Variants in HDAC10 observed in about 807,000 individuals in gnomAD.
HDAC10 encodes polyamine deacetylase HDAC10.
HDAC10 carries 90 observed loss-of-function variants against 82.3 expected under a neutral mutation model. The observed-to-expected ratio is 1.09, with a 90% CI of 0.92 to 1.30. HDAC10 has a LOEUF of 1.30. Ranked by LOEUF, HDAC10 falls within the 50% of genes most tolerant of loss-of-function variation. The pLI, the probability that HDAC10 is intolerant of heterozygous loss-of-function variation, is 0.00. For missense variants in HDAC10, 934 were observed against 876.3 expected (o/e 1.07, Z -0.83); for synonymous variants, 456 against 391.7 (o/e 1.16, Z -1.94).
rs767356391 is a variant in HDAC10, at chr22:50,249,672, C to T, written c.526G>A (p.Gly176Ser). ...ILVVDWDVHH[G>S]QGIQYLFEDD... The stretch of plus-strand genomic sequence containing the variant: ...TCAAAGAGATACTGGATCCCCTGGC[C>T]ATGGTGCACATCCCAGTCCACGACG... Residue 176 changes from glycine to serine, a missense_variant, in exon 6 of 20, where the codon GGC becomes AGC. Physicochemically the swap from Gly to Ser is moderately conservative, Grantham distance 56. Transcript: ENST00000216271. The surrounding 1 kb of genome is among the most constrained non-coding windows in gnomAD (Gnocchi z 4.4). 1.2e-6 allele frequency: 2 copies of T among 1,612,898 alleles called. No individual in the cohort carries two copies. The highest frequency in any genetic ancestry group is 8.5e-7 in the Non-Finnish European group (1 of 1,179,984).
At chr22:50,245,552 G>A (rs2064918876) in intron 19 of HDAC10, 22 bp from the exon 20 acceptor site, 2 of 1,202,232 alleles carry the variant, frequency 1.7e-6, no homozygotes, top group East Asian at 2.3e-5. Flanking sequence ...GCCGAGAAGA[G>A]GCGCGCAGTT....
Position 50,246,373 on chromosome 22 carries a change from C to A in HDAC10, c.1575G>T (p.Arg525Ser), listed in dbSNP as rs1274391018. The A allele has an allele frequency of 1.2e-6, 2 of 1,611,810 alleles. No individual in the cohort carries two copies. Among genetic ancestry groups the A allele is most frequent in the African/African-American group, 1.3e-5 (1 of 75,058 alleles). Residue 525 changes from arginine to serine, a missense_variant, in exon 17 of 20, where the codon AGG becomes AGT. Transcript: ENST00000216271. Reference sequence around the variant, plus strand: ...TGCCCCTGATGTTCAGCCACAGACTCCTCCTTCCAGGACACAGGTGCATAA... The same window carrying A: ...TGCCCCTGATGTTCAGCCACAGACTACTCCTTCCAGGACACAGGTGCATAA... Reference protein sequence around the residue: ...DRPPDLAHDGRSLWLNIRGKE... With the variant: ...DRPPDLAHDGSSLWLNIRGKE...
Position 50,246,727 on chromosome 22 carries a change from C to T in HDAC10, c.1523G>A (p.Cys508Tyr). The change falls in exon 16 of 20, where the codon TGC becomes TAC. Residue 508 changes from cysteine to tyrosine, a missense_variant. Cys to Tyr is a radical substitution (Grantham distance 194). Coordinates refer to ENST00000216271, the MANE Select transcript of HDAC10 (RefSeq NM_032019.6). ...GLSHGAQRLL[C>Y]VALGQLDRPP... is the part of the protein sequence containing the mutation. ...CCGGTCCAGCTGTCCCAGGGCCACGCACAGCAGCCTGGAAGAAGAGCTGGC... is the reference window on the plus strand; with the variant it reads ...CCGGTCCAGCTGTCCCAGGGCCACGTACAGCAGCCTGGAAGAAGAGCTGGC... 1 of 1,612,446 alleles carries T rather than the reference C, an allele frequency of 6.2e-7. No individual in the cohort carries two copies. The highest frequency in any genetic ancestry group is 8.5e-7 in the Non-Finnish European group (1 of 1,179,972).
chr22:50,246,766 T>G, intron 15 of HDAC10, 31 bp from the exon 16 acceptor site: 1 of 1,612,000 alleles, frequency 6.2e-7, no homozygotes, highest in Non-Finnish European at 8.5e-7. Context: ...AGGACAGGTG[T>G]TCATGTTGTC....
intron 2 of HDAC10, 78 bp downstream of exon 2, chr22:50,250,693 G>A (rs79802996): frequency 9.1e-6 from 13 of 1,436,112 alleles, no homozygotes; most frequent in African/African-American, 1.4e-5. Context: ...TGGCAGGCTC[G>A]GGGTAGGCCC....
At position 50,245,515 on chromosome 22, in the gene HDAC10, C is replaced by T. The variant is rs1162031377; in HGVS notation, c.2002G>A (p.Val668Met). The T allele has an allele frequency of 3.4e-6, 3 of 895,034 alleles. No individual in the cohort carries two copies. The highest frequency in any genetic ancestry group is 5.7e-6 in the Non-Finnish European group (3 of 525,706). 55.4% of individuals were successfully genotyped at this position (895,034 alleles called of 1,614,324 possible). Residue 668 changes from valine to methionine, a missense_variant, in exon 20 of 20, where the codon GTG becomes ATG. Physicochemically the swap from Val to Met is conservative, Grantham distance 21. Transcript: ENST00000216271. ...TCCCACCTTGGCCGATTTCAAGCCACCAGGTGAGGATGGCACTACAGGAGG... is the reference window on the plus strand; with the variant it reads ...TCCCACCTTGGCCGATTTCAAGCCATCAGGTGAGGATGGCACTACAGGAGG... ...WKMLQCHPHLVA is the reference protein window; with the variant it reads ...WKMLQCHPHLMA
intron 16 of HDAC10, 120 bp from the exon 17 acceptor site, chr22:50,246,496 C>A: frequency 9.5e-7 from 1 of 1,056,856 alleles, no homozygotes; most frequent in Admixed American, 1.8e-5. Context: ...ACTGCTGAGC[C>A]TCTGTGCTGG....
Position 50,248,690 on chromosome 22 carries a change from G to T in HDAC10, c.878C>A (p.Ala293Asp). ...CAGCACGGCACAGACCCGGCCGCCG[G>T]CCAGCACCTGCAGCAGCTGTGTGAG... ...AHLTQLLQVLAGGRVCAVLEG... is the reference protein window; with the variant it reads ...AHLTQLLQVLDGGRVCAVLEG... Residue 293 changes from alanine to aspartate, a missense_variant, in exon 10 of 20, where the codon GCC (alanine) becomes GAC (aspartate). Ala to Asp is a moderately radical substitution (Grantham distance 126, BLOSUM62 -2). Transcript: ENST00000216271. The surrounding 1 kb of genome is among the most constrained non-coding windows in gnomAD (Gnocchi z 5.4). 1 of 1,537,768 alleles carries T rather than the reference G, an allele frequency of 6.5e-7. No homozygotes were observed. The highest frequency in any genetic ancestry group is 2.4e-5 in the East Asian group (1 of 42,348).
chr22:50,246,742 G>A lies in HDAC10; in HGVS notation c.1515-7C>T. On this transcript the variant is annotated splice_polypyrimidine_tract_variant and splice_region_variant and intron_variant, in intron 15 of 19. Coordinates refer to ENST00000216271, the MANE Select transcript of HDAC10 (RefSeq NM_032019.6). ...CAGGGCCACGCACAGCAGCCTGGAA[G>A]AAGAGCTGGCCTCAGGACAGGTGTT... 6.2e-7 allele frequency: 1 copy of A among 1,612,874 alleles called. No individual in the cohort carries two copies. Among genetic ancestry groups the A allele is most frequent in the Non-Finnish European group, 8.5e-7 (1 of 1,179,974 alleles).
chr22:50,250,256 T>G (rs1272330472), intron 3 of HDAC10, 96 bp from the exon 4 acceptor site: 15 of 1,323,174 alleles, frequency 1.1e-5, no homozygotes, highest in African/African-American at 1.4e-5. Context: ...CACCAGCTGC[T>G]GAGCAGAACA....
In HDAC10 at chr22:50,247,508, C is replaced by T; in HGVS notation, c.1422+184G>A. 1.2e-5 allele frequency: 6 copies of T among 518,972 alleles called. No homozygotes were observed. In the South Asian group the frequency reaches 2.0e-4, roughly 17 times the overall value. The allele number at this position is 518,972 out of a possible 1,614,324, so 32.1% of individuals were successfully genotyped here. A position where few individuals can be genotyped will look rare whatever the true frequency, so the allele number is the denominator to read the frequency against. On this transcript the variant is annotated intron_variant, in intron 14 of 19. Coordinates refer to ENST00000216271, the MANE Select transcript of HDAC10 (RefSeq NM_032019.6). The stretch of plus-strand genomic sequence containing the variant: ...AACTGAAGAAGCTGAGGTCAGAGGT[C>T]AGACACACTAGTGATCCCCACCCCT...
Position 50,245,795 on chromosome 22 carries a change from G to A in HDAC10, c.1866C>T (p.Ala622=). 6.3e-7 allele frequency: 1 copy of A among 1,590,008 alleles called. No individual in the cohort carries two copies. Among genetic ancestry groups the A allele is most frequent in the Non-Finnish European group, 8.6e-7 (1 of 1,168,524 alleles). ...GAGGTGCCTCTCCATTCAGCACCCG[G>A]GCCAGGATCCCTGCTAGCTGGGGTG... ...NSTPQLAGIL[A]RVLNGEAPPS... The change falls in exon 19 of 20, where the codon GCC becomes GCT. Residue 622 remains alanine (A), a synonymous_variant. Coordinates refer to ENST00000216271, the MANE Select transcript of HDAC10 (RefSeq NM_032019.6).
rs2147243598 is a variant in HDAC10, at chr22:50,249,908, T to C, written c.446A>G (p.Asn149Ser). The change falls in exon 5 of 20, where the codon AAC (asparagine) becomes AGC (serine). Residue 149 changes from asparagine (N) to serine (S), a missense_variant. Transcript: ENST00000216271. This position sits in a 1 kb window ranked among gnomAD's most constrained non-coding sequence, Gnocchi z 4.4. ...AAANGFCVFN[N>S]VAIAAAHAKQ... ...GGCATGTGCAGCTGCTATGGCCACG[T>C]TGTTGAACACACAGAACCCGTTGGC... is the stretch of plus-strand genomic sequence containing the variant. The C allele has an allele frequency of 2.5e-6, 4 of 1,612,830 alleles. No homozygotes were observed. Among genetic ancestry groups the C allele is most frequent in the East Asian group, 4.5e-5 (2 of 44,836 alleles).
chr22:50,249,533 C>G lies in HDAC10; in HGVS notation c.564-79G>C. The G allele has an allele frequency of 6.2e-7, 1 of 1,605,654 alleles. No homozygotes were observed. Among genetic ancestry groups the G allele is most frequent in the Non-Finnish European group, 8.5e-7 (1 of 1,174,654 alleles). ...TACAGCTCCCTGTAGAACGCTGACC[C>G]CTGAGCACATGTCTGTATCTCACCC... On this transcript the variant is annotated intron_variant, in intron 6 of 19. Coordinates refer to ENST00000216271, the MANE Select transcript of HDAC10 (RefSeq NM_032019.6). This position sits in a 1 kb window ranked among gnomAD's most constrained non-coding sequence, Gnocchi z 4.4.
At position 50,250,431 on chromosome 22, in the gene HDAC10, T is replaced by G; in HGVS notation, c.287A>C (p.His96Pro). Reference protein sequence around the residue: ...LSGQFDAIYFHPSTFHCARLA... With the variant: ...LSGQFDAIYFPPSTFHCARLA... ...AGTGTGTCCGGGGACACGCACCGGG[T>G]GGAAGTAGATGGCGTCGAACTGTCC... Residue 96 changes from histidine to proline, a missense_variant, in exon 3 of 20, where the codon CAC (histidine) becomes CCC (proline). His to Pro is a moderately conservative substitution (Grantham distance 77). Coordinates refer to ENST00000216271, the MANE Select transcript of HDAC10 (RefSeq NM_032019.6). 5 of 1,612,650 alleles carry G rather than the reference T, an allele frequency of 3.1e-6. No individual in the cohort carries two copies. Among genetic ancestry groups the G allele is most frequent in the Non-Finnish European group, 4.2e-6 (5 of 1,179,808 alleles).
Position 50,251,228 on chromosome 22 carries a change from A to T in HDAC10, c.-196T>A. 1.8e-6 allele frequency: 1 copy of T among 563,758 alleles called. No homozygotes were observed. Among genetic ancestry groups the T allele is most frequent in the South Asian group, 2.3e-5 (1 of 43,314 alleles). The allele number at this position is 563,758 out of a possible 1,614,324, so 34.9% of individuals were successfully genotyped here. ...GATCCCAGGCGCGCAGAAGGCACGG[A>T]GCGAGGCTGCAGTCGAAGGGGGAGG... On this transcript the variant is annotated 5_prime_UTR_variant, in exon 1 of 20. Coordinates refer to ENST00000216271, the MANE Select transcript of HDAC10 (RefSeq NM_032019.6).
intron 2 of HDAC10, 117 bp from the exon 3 acceptor site, chr22:50,250,640 G>A (rs923238978): frequency 1.3e-5 from 17 of 1,320,800 alleles, no homozygotes; most frequent in South Asian, 6.6e-5. Flanking sequence ...TCAAGCCTGT[G>A]AGCCCACCCG....
rs144296501 is a variant in HDAC10 at position 50,246,352 on chromosome 22, C to G, written c.1596G>C (p.Arg532Ser). 2.5e-6 allele frequency: 4 copies of G among 1,612,748 alleles called. No homozygotes were observed. In the African/African-American group the frequency reaches 5.3e-5, roughly 22 times the overall value. ...TGGATAGGGCAGCCGCCTCCTTGCC[C>G]CTGATGTTCAGCCACAGACTCCTCC... ...HDGRSLWLNI[R>S]GKEAAALSMF... Residue 532 changes from arginine (R) to serine (S), a missense_variant, in exon 17 of 20, where the codon AGG becomes AGC. By Grantham distance (110) the Arg-to-Ser change is moderately radical. Coordinates refer to ENST00000216271, the MANE Select transcript of HDAC10 (RefSeq NM_032019.6).
In HDAC10 at chr22:50,248,405, G is replaced by A. The variant is rs768057797; in HGVS notation, c.974C>T (p.Pro325Leu). 1.8e-5 allele frequency: 29 copies of A among 1,609,114 alleles called. No homozygotes were observed. Among genetic ancestry groups the A allele is most frequent in the Middle Eastern group, 3.3e-4 (2 of 6,078 alleles). The change falls in exon 11 of 20, where the codon CCG (proline) becomes CTG (leucine). Residue 325 changes from proline to leucine, a missense_variant. Transcript: ENST00000216271. The surrounding 1 kb of genome is among the most constrained non-coding windows in gnomAD (Gnocchi z 5.4). ...CATTGGCCCTGACAGGGGTGGGGCC[G>A]GGTCACCCAGCAGCGTCTGTACTGT... ...CMTVQTLLGD[P>L]APPLSGPMAP...
Sources: gnomAD v4.1 joint callset for allele counts on GRCh38, gnomAD v4.1.1 for gene constraint, Gnocchi (gnomAD v3.1) non-coding constraint, MANE v1.5 for transcripts, NCBI Gene and HGNC (gene_info 2026-07-23, HGNC 2026-07-21) for gene names.